Variants in GPR152 observed in about 807,000 individuals in gnomAD.
GPR152 encodes probable G protein-coupled receptor 152.
For missense variants in GPR152, 549 were observed against 617.2 expected (o/e 0.89, Z 1.17); for synonymous variants, 278 against 289.0 (o/e 0.96, Z 0.39).
chr11:67,452,297 C>A lies in GPR152; in HGVS notation c.428G>T (p.Arg143Leu). Residue 143 changes from arginine to leucine, a missense_variant, in exon 1 of 1, where the codon CGC (arginine) becomes CTC (leucine). Coordinates refer to ENST00000312457, the MANE Select transcript of GPR152 (RefSeq NM_206997.1). ...ALCPHWYPGH[R>L]PVRLPLWVCA... is the part of the protein sequence containing the mutation. ...GACCCAGAGGGGCAGGCGGACTGGGCGGTGCCCAGGGTACCAGTGTGGGCA... is the reference window on the plus strand; with the variant it reads ...GACCCAGAGGGGCAGGCGGACTGGGAGGTGCCCAGGGTACCAGTGTGGGCA... 1 of 1,608,960 alleles carries A rather than the reference C, an allele frequency of 6.2e-7. No homozygotes were observed. Among genetic ancestry groups the A allele is most frequent in the Non-Finnish European group, 8.5e-7 (1 of 1,179,632 alleles).
Position 67,451,594 on chromosome 11 carries a change from G to T in GPR152, c.1131C>A (p.Asn377Lys). ...GATCCGACTGTGGCTGGGCCGTAGG[G>T]TTCAGCTGTGGCTGAGCTGTGGGAT... ...RSDPTAQPQL[N>K]PTAQPQSDPT... The change falls in exon 1 of 1, where the codon AAC becomes AAA. Residue 377 changes from asparagine (N) to lysine (K), a missense_variant. Coordinates refer to ENST00000312457, the MANE Select transcript of GPR152 (RefSeq NM_206997.1). 2 of 1,613,974 alleles carry T rather than the reference G, an allele frequency of 1.2e-6. No homozygotes were observed. The highest frequency in any genetic ancestry group is 1.7e-6 in the Non-Finnish European group (2 of 1,179,980).
At position 67,452,157 on chromosome 11, in the gene GPR152, C is replaced by T. The variant is rs145130701; in HGVS notation, c.568G>A (p.Glu190Lys). ...ACCTCCAGCATCCTCAGCGACAGCT[C>T]CTCGCTGTCCCAGAAGTCCAGGCAG... ...VICLDFWDSE[E>K]LSLRMLEVLG... The change falls in exon 1 of 1, where the codon GAG becomes AAG. Residue 190 changes from glutamate to lysine, a missense_variant. Transcript: ENST00000312457. 1.8e-4 allele frequency: 293 copies of T among 1,609,918 alleles called. No homozygotes were observed. Among genetic ancestry groups the T allele is most frequent in the Non-Finnish European group, 2.4e-4 (280 of 1,179,904 alleles).
rs745586054 is a variant in GPR152, at chr11:67,452,534, G to A, written c.191C>T (p.Thr64Met). Reference protein sequence around the residue: ...AGSQARHGAGTRLALLLLSLA... With the variant: ...AGSQARHGAGMRLALLLLSLA... The stretch of plus-strand genomic sequence containing the variant: ...GCTGAGCAGGAGCAGCGCCAGACGC[G>A]TGCCAGCTCCATGCCGGGCCTGGGA... Residue 64 changes from threonine (T) to methionine (M), a missense_variant, in exon 1 of 1, where the codon ACG becomes ATG. Coordinates refer to ENST00000312457, the MANE Select transcript of GPR152 (RefSeq NM_206997.1). 36 of 1,606,554 alleles carry A rather than the reference G, an allele frequency of 2.2e-5. No individual in the cohort carries two copies. Among genetic ancestry groups the A allele is most frequent in the Middle Eastern group, 1.7e-4 (1 of 6,004 alleles).
rs1375304331 is a variant in GPR152, at chr11:67,451,630, C to G, written c.1095G>C (p.Gln365His). 1 of 1,614,036 alleles carries G rather than the reference C, an allele frequency of 6.2e-7. No individual in the cohort carries two copies. The highest frequency in any genetic ancestry group is 1.3e-5 in the African/African-American group (1 of 75,034). Residue 365 changes from glutamine (Q) to histidine (H), a missense_variant, in exon 1 of 1, where the codon CAG becomes CAC. By Grantham distance (24) the Gln-to-His change is conservative (BLOSUM62 0). Transcript: ENST00000312457. Reference sequence around the variant, plus strand: ...GCTGAGCTGTGGGATCCGATCGTGGCTGGAGTGTGGGGTTCACCTGAGGCT... The same window carrying G: ...GCTGAGCTGTGGGATCCGATCGTGGGTGGAGTGTGGGGTTCACCTGAGGCT... ...VAQPQVNPTL[Q>H]PRSDPTAQPQ...
rs780838929 is a variant in GPR152, at chr11:67,451,670, A to G, written c.1055T>C (p.Met352Thr). ...PEPMAEAQSQMDPVAQPQVNP... is the reference protein window; with the variant it reads ...PEPMAEAQSQTDPVAQPQVNP... ...CACCTGAGGCTGGGCCACAGGATCC[A>G]TCTGTGACTGGGCCTCTGCCATCGG... Residue 352 changes from methionine to threonine, a missense_variant, in exon 1 of 1, where the codon ATG becomes ACG. Physicochemically the swap from Met to Thr is moderately conservative, Grantham distance 81. Transcript: ENST00000312457. 8 of 1,613,836 alleles carry G rather than the reference A, an allele frequency of 5.0e-6. No individual in the cohort carries two copies. Among genetic ancestry groups the G allele is most frequent in the Middle Eastern group, 1.6e-4 (1 of 6,084 alleles).
chr11:67,452,230 G>T lies in GPR152; in HGVS notation c.495C>A (p.Pro165=). Residue 165 remains proline (P), a synonymous_variant, in exon 1 of 1, where the codon CCC becomes CCA. Transcript: ENST00000312457. ...VWVLATLFSV[P]WLVFPEAAVW... ...CGGCAGCCTCGGGGAAGACCAGCCA[G>T]GGCACGCTGAAGAGTGTGGCCAGCA... 3.7e-6 allele frequency: 6 copies of T among 1,609,184 alleles called. No individual in the cohort carries two copies. In the South Asian group the frequency reaches 6.6e-5, roughly 18 times the overall value.
chr11:67,451,622 G>T lies in GPR152; in HGVS notation c.1103C>A (p.Ser368Ter), dbSNP rs755398795. The part of the protein sequence containing the change: ...PQVNPTLQPR[S>*]DPTAQPQLNP... The stretch of plus-strand genomic sequence containing the variant: ...CAGCTGTGGCTGAGCTGTGGGATCC[G>T]ATCGTGGCTGGAGTGTGGGGTTCAC... The change falls in exon 1 of 1, where the codon TCG (serine) becomes TAG (stop). Residue 368 changes from serine (S) to a stop codon, truncating the protein, a stop_gained. Coordinates refer to ENST00000312457, the MANE Select transcript of GPR152 (RefSeq NM_206997.1). LOFTEE classifies it low-confidence loss of function (END_TRUNC). 1 of 1,613,974 alleles carries T rather than the reference G, an allele frequency of 6.2e-7. No individual in the cohort carries two copies. The highest frequency in any genetic ancestry group is 8.5e-7 in the Non-Finnish European group (1 of 1,180,024).
At position 67,451,616 on chromosome 11, in the gene GPR152, G is replaced by A. The variant is rs1565157063; in HGVS notation, c.1109C>T (p.Pro370Leu). 6.2e-7 allele frequency: 1 copy of A among 1,614,038 alleles called. No homozygotes were observed. The highest frequency in any genetic ancestry group is 1.7e-5 in the Admixed American group (1 of 60,032). Residue 370 changes from proline (P) to leucine (L), a missense_variant, in exon 1 of 1, where the codon CCC (proline) becomes CTC (leucine). Pro to Leu is a moderately conservative substitution (Grantham distance 98, BLOSUM62 -3). Coordinates refer to ENST00000312457, the MANE Select transcript of GPR152 (RefSeq NM_206997.1). ...AGGGTTCAGCTGTGGCTGAGCTGTG[G>A]GATCCGATCGTGGCTGGAGTGTGGG... Reference protein sequence around the residue: ...VNPTLQPRSDPTAQPQLNPTA... With the variant: ...VNPTLQPRSDLTAQPQLNPTA...
chr11:67,451,999 A>C lies in GPR152; in HGVS notation c.726T>G (p.Ile242Met), dbSNP rs1864577839. Residue 242 changes from isoleucine (I) to methionine (M), a missense_variant, in exon 1 of 1, where the codon ATT becomes ATG. Physicochemically the swap from Ile to Met is conservative, Grantham distance 10 (BLOSUM62 1). Transcript: ENST00000312457. Reference sequence around the variant, plus strand: ...GCCTCAGGACCACATAGGCTGACAGAATGGTCCTGGCCACACGGGCGAAGC... The same window carrying C: ...GCCTCAGGACCACATAGGCTGACAGCATGGTCCTGGCCACACGGGCGAAGC... ...CRGFARVART[I>M]LSAYVVLRLP... 1.9e-6 allele frequency: 3 copies of C among 1,611,838 alleles called. No homozygotes were observed. The highest frequency in any genetic ancestry group is 2.2e-5 in the South Asian group (2 of 91,082).
In GPR152 at chr11:67,452,245, T is replaced by G; in HGVS notation, c.480A>C (p.Thr160=). The G allele has an allele frequency of 6.2e-7, 1 of 1,609,420 alleles. No individual in the cohort carries two copies. Among genetic ancestry groups the G allele is most frequent in the Non-Finnish European group, 8.5e-7 (1 of 1,179,812 alleles). The change falls in exon 1 of 1, where the codon ACA becomes ACC. Residue 160 remains threonine, a synonymous_variant. Coordinates refer to ENST00000312457, the MANE Select transcript of GPR152 (RefSeq NM_206997.1). The part of the protein sequence containing the change: ...WVCAGVWVLA[T]LFSVPWLVFP... The stretch of plus-strand genomic sequence containing the variant: ...AGACCAGCCAGGGCACGCTGAAGAG[T>G]GTGGCCAGCACCCAGACACCGGCGC...
At position 67,452,626 on chromosome 11, in the gene GPR152, C is replaced by G; in HGVS notation, c.99G>C (p.Thr33=). ...GGAGCAGCAGGGCCACCAGGAAGACCGTGTCCCAGCCACCTTGGGGGTAGG... is the reference window on the plus strand; with the variant it reads ...GGAGCAGCAGGGCCACCAGGAAGACGGTGTCCCAGCCACCTTGGGGGTAGG... ...EDSYPQGGWD[T]VFLVALLLLG... Residue 33 remains threonine, a synonymous_variant, in exon 1 of 1, where the codon ACG becomes ACC. Transcript: ENST00000312457. 6.2e-7 allele frequency: 1 copy of G among 1,613,706 alleles called. No homozygotes were observed. Among genetic ancestry groups the G allele is most frequent in the South Asian group, 1.1e-5 (1 of 91,016 alleles).
In GPR152 at chr11:67,451,476, G is replaced by A. The variant is rs151315541; in HGVS notation, c.1249C>T (p.Pro417Ser). 34 of 1,614,082 alleles carry A rather than the reference G, an allele frequency of 2.1e-5. No homozygotes were observed. Among genetic ancestry groups the A allele is most frequent in the Admixed American group, 3.3e-5 (2 of 60,014 alleles). ...QADTNVQTPA[P>S]AASSVPSPCD... ...GGACTGGGCACAGAACTGGCAGCAG[G>A]TGCAGGGGTCTGGACGTTAGTGTCT... Residue 417 changes from proline (P) to serine (S), a missense_variant, in exon 1 of 1, where the codon CCT (proline) becomes TCT (serine). Physicochemically the swap from Pro to Ser is moderately conservative, Grantham distance 74 (BLOSUM62 -1). Coordinates refer to ENST00000312457, the MANE Select transcript of GPR152 (RefSeq NM_206997.1).
At position 67,452,059 on chromosome 11, in the gene GPR152, G is replaced by C. The variant is rs763922689; in HGVS notation, c.666C>G (p.Thr222=). ...HVLTQATACR[T]CHRQQQPAAC... is the part of the protein sequence containing the mutation. ...CTGCGGGCTGCTGTTGGCGGTGGCAGGTGCGACAGGCTGTGGCCTGGGTGA... is the reference window on the plus strand; with the variant it reads ...CTGCGGGCTGCTGTTGGCGGTGGCACGTGCGACAGGCTGTGGCCTGGGTGA... The change falls in exon 1 of 1, where the codon ACC becomes ACG. Residue 222 remains threonine (T), a synonymous_variant. Transcript: ENST00000312457. 1.7e-5 allele frequency: 27 copies of C among 1,612,206 alleles called. No individual in the cohort carries two copies. Among genetic ancestry groups the C allele is most frequent in the Non-Finnish European group, 2.0e-5 (24 of 1,179,832 alleles).
Position 67,452,644 on chromosome 11 carries a change from G to T in GPR152, c.81C>A (p.Pro27=). The T allele has an allele frequency of 1.2e-6, 2 of 1,613,270 alleles. No homozygotes were observed. Among genetic ancestry groups the T allele is most frequent in the Non-Finnish European group, 1.7e-6 (2 of 1,179,574 alleles). The change falls in exon 1 of 1, where the codon CCC becomes CCA. Residue 27 remains proline (P), a synonymous_variant. Transcript: ENST00000312457. The part of the protein sequence containing the change: ...RTELDDEDSY[P]QGGWDTVFLV... ...GGAAGACCGTGTCCCAGCCACCTTG[G>T]GGGTAGGAGTCCTCATCATCAAGCT...
Position 67,452,194 on chromosome 11 carries a change from G to T in GPR152, c.531C>A (p.Tyr177Ter). ...AGAAGTCCAGGCAGATGACCAGGTC[G>T]TACCACCAGACGGCAGCCTCGGGGA... ...LVFPEAAVWW[Y>*]DLVICLDFWD... Residue 177 changes from tyrosine to a stop codon, truncating the protein, a stop_gained, in exon 1 of 1, where the codon TAC (tyrosine) becomes TAA (stop). Transcript: ENST00000312457. LOFTEE classifies it low-confidence loss of function (END_TRUNC). 6.2e-7 allele frequency: 1 copy of T among 1,608,436 alleles called. No individual in the cohort carries two copies. The highest frequency in any genetic ancestry group is 8.5e-7 in the Non-Finnish European group (1 of 1,179,936).
In GPR152 at chr11:67,452,257, C is replaced by T. The variant is rs1436004348; in HGVS notation, c.468G>A (p.Trp156Ter). 1.9e-6 allele frequency: 3 copies of T among 1,610,408 alleles called. No homozygotes were observed. ...GCACGCTGAAGAGTGTGGCCAGCAC[C>T]CAGACACCGGCGCAGACCCAGAGGG... ...RLPLWVCAGV[W>*]VLATLFSVPW... The change falls in exon 1 of 1, where the codon TGG (tryptophan) becomes TGA (stop). Residue 156 changes from tryptophan to a stop codon, truncating the protein, a stop_gained. Transcript: ENST00000312457. LOFTEE classifies it low-confidence loss of function (END_TRUNC).
In GPR152 at chr11:67,451,832, G is replaced by C. The variant is rs776848303; in HGVS notation, c.893C>G (p.Ala298Gly). ...CAGCAGGGTCCGGAGGTCGGCACTG[G>C]CCATGAGGCAGAGGAAGGGGCTGAG... is the stretch of plus-strand genomic sequence containing the variant. Reference protein sequence around the residue: ...SCLSPFLCLMASADLRTLLRS... With the variant: ...SCLSPFLCLMGSADLRTLLRS... Residue 298 changes from alanine (A) to glycine (G), a missense_variant, in exon 1 of 1, where the codon GCC (alanine) becomes GGC (glycine). Coordinates refer to ENST00000312457, the MANE Select transcript of GPR152 (RefSeq NM_206997.1). 1.9e-6 allele frequency: 3 copies of C among 1,613,156 alleles called. No individual in the cohort carries two copies. Among genetic ancestry groups the C allele is most frequent in the Middle Eastern group, 1.7e-4 (1 of 6,060 alleles).
At position 67,451,694 on chromosome 11, in the gene GPR152, G is replaced by A. The variant is rs760895810; in HGVS notation, c.1031C>T (p.Pro344Leu). Residue 344 changes from proline (P) to leucine (L), a missense_variant, in exon 1 of 1, where the codon CCG becomes CTG. Physicochemically the swap from Pro to Leu is moderately conservative, Grantham distance 98 (BLOSUM62 -3). Transcript: ENST00000312457. Reference protein sequence around the residue: ...LDSEGPTLPEPMAEAQSQMDP... With the variant: ...LDSEGPTLPELMAEAQSQMDP... ...CATCTGTGACTGGGCCTCTGCCATC[G>A]GCTCTGGCAGAGTTGGACCCTCAGA... 12 of 1,613,872 alleles carry A rather than the reference G, an allele frequency of 7.4e-6. No individual in the cohort carries two copies. The highest frequency in any genetic ancestry group is 2.7e-5 in the African/African-American group (2 of 75,058).
In GPR152 at chr11:67,451,681, G is replaced by A. The variant is rs1253023091; in HGVS notation, c.1044C>T (p.Ala348=). ...GGGCCACAGGATCCATCTGTGACTGGGCCTCTGCCATCGGCTCTGGCAGAG... is the reference window on the plus strand; with the variant it reads ...GGGCCACAGGATCCATCTGTGACTGAGCCTCTGCCATCGGCTCTGGCAGAG... The part of the protein sequence containing the change: ...GPTLPEPMAE[A]QSQMDPVAQP... The change falls in exon 1 of 1, where the codon GCC becomes GCT. Residue 348 remains alanine, a synonymous_variant. Transcript: ENST00000312457. The A allele has an allele frequency of 6.2e-7, 1 of 1,613,952 alleles. No individual in the cohort carries two copies. Among genetic ancestry groups the A allele is most frequent in the East Asian group, 2.2e-5 (1 of 44,888 alleles).
Sources: allele counts gnomAD v4.1 joint callset, GRCh38; gene constraint gnomAD v4.1.1; transcripts MANE v1.5; gene names NCBI Gene and HGNC (gene_info 2026-07-23, HGNC 2026-07-21).